Variants in PCDH11X observed in about 807,000 individuals in gnomAD.
PCDH11X encodes protocadherin-11 X-linked.
PCDH11X carries 18 observed loss-of-function variants against 53.3 expected under a neutral mutation model. The ratio of observed to expected loss-of-function variants is 0.34; its 90% CI spans 0.23 to 0.50. The LOEUF (loss-of-function observed/expected upper bound fraction) is 0.50. Ranked by LOEUF, PCDH11X falls within the 20% of genes least tolerant of loss-of-function variation. The pLI is 0.98. For synonymous variants in PCDH11X, 279 were observed against 393.3 expected (o/e 0.71, Z 3.44); for missense variants, 570 against 1,032.4 (o/e 0.55, Z 6.14).
At chrX:92,292,076 G>A (rs1172829282) in intron 8 of PCDH11X, among the ~76,000 whole-genome samples, 2 of 111,078 alleles carry the variant, frequency 1.8e-5, no homozygotes, top group Non-Finnish European at 3.8e-5. Flanking sequence ...TAATATACTG[G>A]GTACTATATG....
intron 6 of PCDH11X, among the ~76,000 whole-genome samples, chrX:91,896,543 T>C (rs1248850969): frequency 1.2e-5 from 1 of 82,573 alleles, no homozygotes; most frequent in African/African-American, 4.6e-5. Flanking sequence ...TTTACCTGTC[T>C]TCAGCTTCTA....
At chrX:92,158,090 C>T (rs986551179) in intron 6 of PCDH11X, among the ~76,000 whole-genome samples, 1 of 110,821 alleles carries the variant, frequency 9.0e-6, no homozygotes, top group African/African-American at 3.3e-5. Flanking sequence ...GTGGCAGGCA[C>T]CTGTAATCCC....
In PCDH11X at chrX:92,192,901, A is replaced by T. The variant is rs924554654; in HGVS notation, c.3034-8474A>T. On this transcript the variant is annotated intron_variant, in intron 6 of 10. Transcript: ENST00000682573. ...TTACAGGCATGTGCCACCACGTCCA[A>T]CTAATTTTTGTATTTTTAGTAAAGA... 2.7e-5 allele frequency among the ~76,000 whole-genome samples: 3 copies of T among 110,590 alleles called. No homozygotes were observed. In the East Asian group the frequency reaches 8.6e-4, roughly 32 times the overall value.
At chrX:92,242,310 C>G (rs951436752) in intron 7 of PCDH11X, among the ~76,000 whole-genome samples, 2 of 110,523 alleles carry the variant, frequency 1.8e-5, no homozygotes, top group African/African-American at 6.6e-5. Context: ...ATATGGCAGG[C>G]TGAGGTAGAA....
chrX:92,025,914 G>T (rs6652287), intron 6 of PCDH11X, among the ~76,000 whole-genome samples: 9,120 of 109,007 alleles, frequency 0.084, 403 homozygotes, highest in East Asian at 0.3. Context: ...AGATGAAGCT[G>T]GGGGCCATTA....
At chrX:92,260,976 C>G (rs1467463906) in intron 7 of PCDH11X, among the ~76,000 whole-genome samples, 1 of 111,327 alleles carries the variant, frequency 9.0e-6, no homozygotes, top group Non-Finnish European at 1.9e-5. Flanking sequence ...GTAATGTTGC[C>G]TGTTCAGGGC....
chrX:91,846,534 C>A (rs980043841), intron 5 of PCDH11X, among the ~76,000 whole-genome samples: 1 of 108,427 alleles, frequency 9.2e-6, no homozygotes, highest in African/African-American at 3.4e-5. Flanking sequence ...AGGAGAACAG[C>A]GTGAACCCGG....
chrX:92,246,273 T>C (rs755203590), intron 7 of PCDH11X, among the ~76,000 whole-genome samples: 8 of 112,002 alleles, frequency 7.1e-5, no homozygotes, highest in African/African-American at 2.6e-4. Flanking sequence ...CTCCCAGTAG[T>C]ATAATATTTA....
intron 8 of PCDH11X, among the ~76,000 whole-genome samples, chrX:92,358,025 C>G (rs1026421152): frequency 9.2e-6 from 1 of 109,214 alleles, no homozygotes; most frequent in African/African-American, 3.3e-5. Flanking sequence ...TTGGTGACGT[C>G]TATGGGGCCA....
intron 1 of PCDH11X, among the ~76,000 whole-genome samples, chrX:91,782,210 C>G (rs1237496247): frequency 9.0e-6 from 1 of 110,767 alleles, no homozygotes; most frequent in Non-Finnish European, 1.9e-5. Flanking sequence ...CTCAGAGGCG[C>G]GCTAAGGCGC....
At chrX:92,476,155 A>C (rs1307091508) in intron 10 of PCDH11X, among the ~76,000 whole-genome samples, 1 of 106,172 alleles carries the variant, frequency 9.4e-6, no homozygotes, top group Non-Finnish European at 2.0e-5. Context: ...GTTCCCCTAC[A>C]CAAGCTCTCT....
chrX:91,819,218 CA>C, intron 4 of PCDH11X, among the ~76,000 whole-genome samples: 1 of 108,439 alleles, frequency 9.2e-6, no homozygotes, highest in South Asian at 4.1e-4. Flanking sequence ...AATGATAAAT[CA>C]TTTTTCATTT....
intron 10 of PCDH11X, among the ~76,000 whole-genome samples, chrX:92,580,312 C>T (rs1299576357): frequency 9.3e-6 from 1 of 107,974 alleles, no homozygotes; most frequent in Admixed American, 9.6e-5. Context: ...ATCCGGACTG[C>T]CTGGACTTCC....
intron 10 of PCDH11X, among the ~76,000 whole-genome samples, chrX:92,487,808 T>G (rs1348221799): frequency 9.0e-6 from 1 of 111,392 alleles, no homozygotes; most frequent in Non-Finnish European, 1.9e-5. Context: ...AACATTTTTG[T>G]CTGTGAATCC....
intron 6 of PCDH11X, among the ~76,000 whole-genome samples, chrX:92,137,169 T>A (rs2065097269): frequency 9.1e-6 from 1 of 110,198 alleles, no homozygotes; most frequent in Admixed American, 9.8e-5. Flanking sequence ...AGTCTTCTTA[T>A]ACTACAAGCA....
chrX:92,204,832 G>T (rs1197211728), intron 7 of PCDH11X, among the ~76,000 whole-genome samples: 1 of 112,005 alleles, frequency 8.9e-6, no homozygotes, highest in Non-Finnish European at 1.9e-5. Flanking sequence ...TGGGAAGGGG[G>T]CCTCAGGAAA....
chrX:92,256,721 A>G (rs766203479), intron 7 of PCDH11X, among the ~76,000 whole-genome samples: 164 of 108,703 alleles, frequency 1.5e-3, no homozygotes, highest in Non-Finnish European at 2.8e-3. Flanking sequence ...CCCACCCCCA[A>G]CCCTTTGACA....
chrX:92,439,096 CTA>C (rs1220043197), intron 9 of PCDH11X, among the ~76,000 whole-genome samples: 3 of 109,242 alleles, frequency 2.7e-5, no homozygotes, highest in Non-Finnish European at 5.7e-5. Flanking sequence ...AAATATCAGA[CTA>C]TGCATAAATA....
chrX:92,107,479 G>A (rs1191343289), intron 6 of PCDH11X, among the ~76,000 whole-genome samples: 1 of 112,309 alleles, frequency 8.9e-6, no homozygotes, highest in East Asian at 2.8e-4. Context: ...GCTCACGCCT[G>A]TAATCCCAGT....
Sources: gnomAD v4.1 joint callset for allele counts (sites outside exome capture counted in the v4.1 genomes callset) on GRCh38, gnomAD v4.1.1 for gene constraint, MANE v1.5 for transcripts, NCBI Gene and HGNC (gene_info 2026-07-23, HGNC 2026-07-21) for gene names.